The following CTNNA2 variants were observed in gnomAD, a reference collection of about 807,000 sequenced individuals.
The protein encoded by CTNNA2 is catenin alpha 2.
CTNNA2 carries 42 observed loss-of-function variants against 101.0 expected under a neutral mutation model. That is an observed-to-expected ratio of 0.42 (90% confidence interval 0.32 to 0.54). CTNNA2 has a LOEUF of 0.54. Ranked by LOEUF, CTNNA2 falls within the 20% of genes least tolerant of loss-of-function variation. The probability of loss-of-function intolerance (pLI) is 0.14; values close to 1 mark genes in which losing one functional copy is unlikely to be tolerated. For synonymous variants in CTNNA2, 450 were observed against 456.4 expected (o/e 0.99, Z 0.18); for missense variants, 871 against 1,223.1 (o/e 0.71, Z 4.29).
intron 4 of CTNNA2, among the ~76,000 whole-genome samples, chr2:79,491,946 G>A (rs1293912144): frequency 6.6e-6 from 1 of 152,166 alleles, no homozygotes; most frequent in Non-Finnish European, 1.5e-5. Flanking sequence ...CGGATGTCTA[G>A]ACCCTACAGT....
chr2:79,320,678 C>T (rs1676600489), intron 3 of CTNNA2, among the ~76,000 whole-genome samples: 1 of 152,120 alleles, frequency 6.6e-6, no homozygotes, highest in South Asian at 2.1e-4. Context: ...GTGAGATGAT[C>T]ACAGGCTTTG....
At chr2:80,344,825 T>C (rs1672583799) in intron 7 of CTNNA2, among the ~76,000 whole-genome samples, 1 of 152,138 alleles carries the variant, frequency 6.6e-6, no homozygotes, top group Admixed American at 6.5e-5. Flanking sequence ...CTATCTGCTC[T>C]TCCCAAGTCC....
At position 80,090,146 on chromosome 2, in the gene CTNNA2, C is replaced by G. The variant is rs200733761; in HGVS notation, c.1056+180349C>G. Reference sequence around the variant, plus strand: ...AAAGGAAGTTTCACTCTCTCTCTCTCTGTGTGTGTGTGTGTGTGTGTGTGT... The same window carrying G: ...AAAGGAAGTTTCACTCTCTCTCTCTGTGTGTGTGTGTGTGTGTGTGTGTGT... On this transcript the variant is annotated intron_variant, in intron 7 of 18. Transcript: ENST00000402739. Among the ~76,000 whole-genome samples the G allele has an allele frequency of 4.5e-3, 637 of 140,674 alleles. 4 individuals are homozygous for G. Among genetic ancestry groups the G allele is most frequent in the East Asian group, 0.021 (102 of 4,832 alleles). 92.3% of individuals were successfully genotyped at this position (140,674 alleles called of 152,430 possible).
chr2:80,406,640 C>T (rs1049456519), intron 8 of CTNNA2, among the ~76,000 whole-genome samples: 3 of 151,928 alleles, frequency 2.0e-5, no homozygotes, highest in Non-Finnish European at 4.4e-5. Flanking sequence ...TCGTGGCTAA[C>T]GCGGTGAAAC....
At chr2:80,124,120 C>T (rs971703632) in intron 7 of CTNNA2, among the ~76,000 whole-genome samples, 1 of 152,136 alleles carries the variant, frequency 6.6e-6, no homozygotes, top group Non-Finnish European at 1.5e-5. Flanking sequence ...GAACCAGCCA[C>T]ACTGTGAGAC....
At chr2:80,103,828 G>A (rs1437135380) in intron 7 of CTNNA2, among the ~76,000 whole-genome samples, 1 of 152,108 alleles carries the variant, frequency 6.6e-6, no homozygotes, top group Admixed American at 6.5e-5. Flanking sequence ...TCTGCCTCCC[G>A]GGTTCAAGTG....
chr2:80,016,178 A>C (rs984097463), intron 7 of CTNNA2, among the ~76,000 whole-genome samples: 1 of 152,262 alleles, frequency 6.6e-6, no homozygotes, highest in African/African-American at 2.4e-5. Context: ...TTTGCATTAA[A>C]TTTTAAATAA....
intron 16 of CTNNA2, among the ~76,000 whole-genome samples, chr2:80,607,552 A>G (rs991955113): frequency 6.6e-6 from 1 of 151,906 alleles, no homozygotes; most frequent in African/African-American, 2.4e-5. Flanking sequence ...AACTTCTTTC[A>G]GCTGGCTTCA....
At chr2:79,743,673 G>A (rs1274696365) in intron 2 of CTNNA2, among the ~76,000 whole-genome samples, 3 of 151,290 alleles carry the variant, frequency 2.0e-5, no homozygotes, top group Non-Finnish European at 4.4e-5. Context: ...AGCTGCGATT[G>A]TAGGCACCTG....
intron 7 of CTNNA2, among the ~76,000 whole-genome samples, chr2:80,153,833 G>A (rs1235021014): frequency 6.6e-6 from 1 of 152,176 alleles, no homozygotes; most frequent in East Asian, 1.9e-4. Context: ...TTGGAGGAAT[G>A]AATAGTAGTA....
chr2:79,922,478 TAA>T (rs1472582658), intron 7 of CTNNA2, among the ~76,000 whole-genome samples: 1 of 152,090 alleles, frequency 6.6e-6, no homozygotes, highest in Non-Finnish European at 1.5e-5. Flanking sequence ...ATGAGAAAAT[TAA>T]AGAGATGCTG....
chr2:80,043,386 C>T (rs1490554253), intron 7 of CTNNA2, among the ~76,000 whole-genome samples: 2 of 151,828 alleles, frequency 1.3e-5, no homozygotes, highest in African/African-American at 4.8e-5. Context: ...TTAGTAGAGA[C>T]AGCATTTCAC....
intron 1 of CTNNA2, among the ~76,000 whole-genome samples, chr2:79,628,790 T>C (rs1249575661): frequency 6.6e-6 from 1 of 152,240 alleles, no homozygotes; most frequent in Non-Finnish European, 1.5e-5. Context: ...CCTGGCATTT[T>C]AGACATTTTT....
intron 3 of CTNNA2, among the ~76,000 whole-genome samples, chr2:79,320,675 G>C (rs1357695694): frequency 2.0e-5 from 3 of 152,122 alleles, no homozygotes; most frequent in African/African-American, 7.2e-5. Context: ...TGTGTGAGAT[G>C]ATCACAGGCT....
intron 7 of CTNNA2, among the ~76,000 whole-genome samples, chr2:80,173,766 G>A (rs1006463694): frequency 6.6e-6 from 1 of 152,062 alleles, no homozygotes; most frequent in African/African-American, 2.4e-5. Flanking sequence ...TGCATCAGGA[G>A]GTCTGCAGTT....
chr2:80,222,215 A>T (rs1167187163), intron 7 of CTNNA2, among the ~76,000 whole-genome samples: 1 of 152,172 alleles, frequency 6.6e-6, no homozygotes, highest in Non-Finnish European at 1.5e-5. Context: ...ATCCTGGTCT[A>T]TATTTTTTAA....
At chr2:80,432,890 T>C (rs529402015) in intron 9 of CTNNA2, among the ~76,000 whole-genome samples, 2 of 152,310 alleles carry the variant, frequency 1.3e-5, no homozygotes, top group African/African-American at 4.8e-5. Flanking sequence ...AATGTATCTT[T>C]AAAAATGGAT....
At chr2:79,398,697 G>A (rs1486594315) in intron 4 of CTNNA2, among the ~76,000 whole-genome samples, 1 of 151,766 alleles carries the variant, frequency 6.6e-6, no homozygotes, top group African/African-American at 2.4e-5. Flanking sequence ...CTATTGGAAT[G>A]GAAGAACAAA....
intron 7 of CTNNA2, among the ~76,000 whole-genome samples, chr2:80,000,523 G>T (rs1385548954): frequency 1.3e-5 from 2 of 152,120 alleles, no homozygotes; most frequent in African/African-American, 2.4e-5. Flanking sequence ...TGCAATTTCT[G>T]ATAGCTTTTG....
Sources: gnomAD v4.1 joint callset for allele counts (sites outside exome capture counted in the v4.1 genomes callset) on GRCh38, gnomAD v4.1.1 for gene constraint, MANE v1.5 for transcripts, NCBI Gene and HGNC (gene_info 2026-07-23, HGNC 2026-07-21) for gene names.